Variants in SGK3 observed in about 807,000 individuals in gnomAD.
SGK3 encodes serine/threonine-protein kinase Sgk3.
In SGK3, 47 loss-of-function variants were observed where a neutral mutation model predicts 68.5. The observed-to-expected ratio is 0.69, with a 90% CI of 0.54 to 0.87. SGK3 has a LOEUF of 0.87. SGK3 is among the 40% of genes least tolerant of loss of function. The probability of loss-of-function intolerance (pLI) is 0.00; values close to 1 mark genes in which losing one functional copy is unlikely to be tolerated. For synonymous variants in SGK3, 181 were observed against 189.1 expected, an observed-to-expected ratio of 0.96 and a Z score of 0.35; for missense variants, 479 against 575.5, an observed-to-expected ratio of 0.83 and a Z score of 1.72.
chr8:66,730,689 TTTTG>T (rs111485172), intron 1 of SGK3, among the ~76,000 whole-genome samples: 13 of 151,678 alleles, frequency 8.6e-5, no homozygotes, highest in South Asian at 2.1e-4. Context: ...CAGCACTGTT[TTTTG>T]TTTGTTTGTT....
intron 2 of SGK3, among the ~76,000 whole-genome samples, 156 bp from the exon 3 acceptor site, chr8:66,798,386 A>G (rs1396106831): frequency 6.6e-6 from 1 of 152,102 alleles, no homozygotes; most frequent in Admixed American, 6.6e-5. Flanking sequence ...TAAAAATGTT[A>G]ATATCAGTTT....
At chr8:66,721,342 C>A (rs914139520) in intron 1 of SGK3, among the ~76,000 whole-genome samples, 5 of 152,228 alleles carry the variant, frequency 3.3e-5, no homozygotes, top group Admixed American at 1.3e-4. Context: ...GTTTGCTCTC[C>A]TTTATAAACC....
intron 1 of SGK3, among the ~76,000 whole-genome samples, chr8:66,765,606 T>C (rs969549631): frequency 6.6e-6 from 1 of 152,202 alleles, no homozygotes; most frequent in Non-Finnish European, 1.5e-5. Flanking sequence ...AGTCCTAGTT[T>C]AGTGCACTCC....
rs1177940065 is a variant in SGK3 at position 66,723,131 on chromosome 8, A to ATTTTTTTTTT, written c.-122+10310_-122+10319dup. On this transcript the variant is annotated intron_variant, in intron 1 of 16. Transcript: ENST00000521198. ...TATATATATATATATATATATATAT[A>ATTTTTTTTTT]TTTTTTTTTTTTTTTTTTTTTGTAA... 1.7e-4 allele frequency among the ~76,000 whole-genome samples: 5 copies of ATTTTTTTTTT among 29,496 alleles called. 1 individual carries two copies. The highest frequency in any genetic ancestry group is 2.4e-4 in the African/African-American group (2 of 8,250). The allele number at this position is 29,496 out of a possible 152,430, so 19.4% of individuals were successfully genotyped here.
intron 1 of SGK3, among the ~76,000 whole-genome samples, chr8:66,766,022 C>CAAAAAAAAA (rs111349387): frequency 8.1e-6 from 1 of 124,056 alleles, no homozygotes. Flanking sequence ...AATACTCCGT[C>CAAAAAAAAA]AAAAAAAAAA....
At chr8:66,854,166 G>T (rs926180623) in intron 16 of SGK3, among the ~76,000 whole-genome samples, 2 of 152,078 alleles carry the variant, frequency 1.3e-5, no homozygotes, top group African/African-American at 4.8e-5. Flanking sequence ...ACTTGCTAAG[G>T]GTTTTGACTC....
At chr8:66,799,813 G>A (rs1360031797) in intron 3 of SGK3, among the ~76,000 whole-genome samples, 1 of 152,046 alleles carries the variant, frequency 6.6e-6, no homozygotes, top group Non-Finnish European at 1.5e-5. Flanking sequence ...TAGTAGAGAC[G>A]GGGTTTTGCC....
chr8:66,779,694 T>C (rs1304697078), intron 1 of SGK3, among the ~76,000 whole-genome samples: 2 of 145,332 alleles, frequency 1.4e-5, no homozygotes, highest in Admixed American at 6.9e-5. Context: ...TATATATATA[T>C]ACCCTAATTT....
intron 1 of SGK3, among the ~76,000 whole-genome samples, chr8:66,760,846 A>G (rs1289437504): frequency 6.6e-6 from 1 of 152,124 alleles, no homozygotes; most frequent in Non-Finnish European, 1.5e-5. Flanking sequence ...TTTGTCACAC[A>G]GGACATTATA....
At chr8:66,798,690 G>A (rs55784133) in intron 3 of SGK3, 65 bp downstream of exon 3, 40,683 of 1,386,408 alleles carry the variant, frequency 0.029, 988 homozygotes, top group African/African-American at 0.11. Flanking sequence ...AAATAAGAGA[G>A]ATGTATTTGA....
intron 1 of SGK3, among the ~76,000 whole-genome samples, chr8:66,778,303 T>C (rs988600636): frequency 1.1e-4 from 17 of 152,192 alleles, no homozygotes; most frequent in African/African-American, 3.1e-4. Context: ...CTTTTTCTTT[T>C]TTTCTTTTGT....
At chr8:66,716,857 T>C (rs1020435345) in intron 1 of SGK3, among the ~76,000 whole-genome samples, 14 of 152,106 alleles carry the variant, frequency 9.2e-5, no homozygotes, top group African/African-American at 3.4e-4. Flanking sequence ...AGTGTTCTTG[T>C]AGGTAGCTTT....
At chr8:66,787,201 G>A (rs777544198) in intron 1 of SGK3, among the ~76,000 whole-genome samples, 2 of 151,904 alleles carry the variant, frequency 1.3e-5, no homozygotes, top group Non-Finnish European at 2.9e-5. Context: ...CTCAGCCTCC[G>A]AAAGTGCTGG....
chr8:66,743,667 A>T lies in SGK3; in HGVS notation c.-122+30834A>T, dbSNP rs571848651. 9.2e-5 allele frequency among the ~76,000 whole-genome samples: 14 copies of T among 152,342 alleles called. No individual in the cohort carries two copies. The South Asian group carries it at 2.9e-3, about 32-fold the overall frequency. On this transcript the variant is annotated intron_variant, in intron 1 of 16. Transcript: ENST00000521198. ...CTGCTGAGTAGCTGGGATTACAGGC[A>T]AGTGCCACCATGCCCAGCTAATTTT...
chr8:66,770,018 A>G (rs1806456635), intron 1 of SGK3, among the ~76,000 whole-genome samples: 1 of 152,238 alleles, frequency 6.6e-6, no homozygotes, highest in East Asian at 1.9e-4. Flanking sequence ...CAGTGGCGCA[A>G]TCTCCGCTCA....
intron 5 of SGK3, among the ~76,000 whole-genome samples, chr8:66,820,702 A>G (rs1808775356): frequency 6.6e-6 from 1 of 150,848 alleles, no homozygotes; most frequent in Admixed American, 6.6e-5. Context: ...TTTTTTTCCT[A>G]TTTTGTTTAT....
intron 4 of SGK3, among the ~76,000 whole-genome samples, chr8:66,809,474 G>T (rs569596406): frequency 1.3e-5 from 2 of 152,212 alleles, no homozygotes; most frequent in South Asian, 4.1e-4. Flanking sequence ...AGACAGAATG[G>T]TGAAAGTAAT....
At chr8:66,800,080 A>G (rs916727066) in intron 3 of SGK3, among the ~76,000 whole-genome samples, 1 of 152,058 alleles carries the variant, frequency 6.6e-6, no homozygotes, top group Non-Finnish European at 1.5e-5. Flanking sequence ...GGTGGCTCAC[A>G]CCTGTAATCC....
At chr8:66,717,752 G>A (rs1804678949) in intron 1 of SGK3, among the ~76,000 whole-genome samples, 1 of 152,076 alleles carries the variant, frequency 6.6e-6, no homozygotes, top group Non-Finnish European at 1.5e-5. Flanking sequence ...TGCCCGGGCT[G>A]GAGTGCAGTG....
Sources: allele counts gnomAD v4.1 joint callset (sites outside exome capture counted in the v4.1 genomes callset), GRCh38; gene constraint gnomAD v4.1.1; transcripts MANE v1.5; gene names NCBI Gene and HGNC (gene_info 2026-07-23, HGNC 2026-07-21).